Variants in CTNNA2 observed in about 807,000 individuals in gnomAD.
CTNNA2 encodes catenin alpha-2.
A neutral mutation model predicts 101.0 loss-of-function variants in CTNNA2; 42 were observed. The observed-to-expected ratio is 0.42, with a 90% confidence interval of 0.32 to 0.54. The LOEUF is 0.54. Ranked by LOEUF, CTNNA2 falls within the 20% of genes least tolerant of loss-of-function variation. The pLI, the probability that CTNNA2 is intolerant of heterozygous loss-of-function variation, is 0.14. For missense variants in CTNNA2, 871 were observed against 1,223.1 expected, an observed-to-expected ratio of 0.71 and a Z score of 4.29; for synonymous variants, 450 against 456.4, an observed-to-expected ratio of 0.99 and a Z score of 0.18.
chr2:80,462,674 T>A (rs1163761375), intron 9 of CTNNA2, among the ~76,000 whole-genome samples: 2 of 143,350 alleles, frequency 1.4e-5, no homozygotes, highest in East Asian at 4.3e-4. Flanking sequence ...AGCTGCTGGG[T>A]CATCACTTCT....
intron 7 of CTNNA2, among the ~76,000 whole-genome samples, chr2:80,093,273 C>T (rs190305101): frequency 1.1e-4 from 16 of 151,838 alleles, no homozygotes; most frequent in Admixed American, 2.0e-4. Flanking sequence ...TTTGTCCTTG[C>T]GATAGTTTGC....
chr2:79,951,488 A>G (rs1688878107), intron 7 of CTNNA2, among the ~76,000 whole-genome samples: 1 of 152,092 alleles, frequency 6.6e-6, no homozygotes, highest in Non-Finnish European at 1.5e-5. Flanking sequence ...CAGCATGGTG[A>G]AACCCCATCT....
chr2:80,321,446 G>A (rs939838209), intron 7 of CTNNA2, among the ~76,000 whole-genome samples: 7 of 152,196 alleles, frequency 4.6e-5, no homozygotes, highest in Non-Finnish European at 8.8e-5. Context: ...GATGCTGGGG[G>A]AAGTACGCAT....
intron 1 of CTNNA2, among the ~76,000 whole-genome samples, chr2:79,638,645 C>T (rs1680242542): frequency 6.6e-6 from 1 of 152,188 alleles, no homozygotes; most frequent in Non-Finnish European, 1.5e-5. Flanking sequence ...ATCAGCCAGT[C>T]TATGACACAG....
At chr2:80,587,970 A>G (rs1050923283) in intron 14 of CTNNA2, among the ~76,000 whole-genome samples, 9 of 152,212 alleles carry the variant, frequency 5.9e-5, no homozygotes, top group African/African-American at 1.9e-4. Context: ...GTTATGTTCT[A>G]TAAAGTCATC....
At chr2:80,491,673 A>G (rs931648857) in intron 9 of CTNNA2, among the ~76,000 whole-genome samples, 4 of 152,152 alleles carry the variant, frequency 2.6e-5, no homozygotes, top group South Asian at 4.1e-4. Flanking sequence ...AAGCCATTCA[A>G]TTTGCCTGGG....
intron 7 of CTNNA2, among the ~76,000 whole-genome samples, chr2:79,974,944 A>T (rs2104584150): frequency 6.6e-6 from 1 of 152,168 alleles, no homozygotes; most frequent in African/African-American, 2.4e-5. Flanking sequence ...ATACCTGGAG[A>T]ACAGAGCGTC....
chr2:80,173,078 G>T (rs1157774735), intron 7 of CTNNA2, among the ~76,000 whole-genome samples: 1 of 152,148 alleles, frequency 6.6e-6, no homozygotes, highest in Non-Finnish European at 1.5e-5. Flanking sequence ...TAGGTAATTT[G>T]TATGCACATT....
intron 9 of CTNNA2, among the ~76,000 whole-genome samples, chr2:80,486,224 T>C (rs1444672963): frequency 6.6e-6 from 1 of 152,162 alleles, no homozygotes; most frequent in African/African-American, 2.4e-5. Flanking sequence ...CTGCACTAGA[T>C]AGTGTGGGGA....
At chr2:80,532,411 G>A (rs926152754) in intron 9 of CTNNA2, among the ~76,000 whole-genome samples, 13 of 152,090 alleles carry the variant, frequency 8.5e-5, no homozygotes, top group Admixed American at 2.0e-4. Context: ...GTGCCCCTTC[G>A]TCACTTAGTA....
intron 2 of CTNNA2, among the ~76,000 whole-genome samples, chr2:79,257,668 A>G (rs1229227525): frequency 6.6e-6 from 1 of 152,116 alleles, no homozygotes; most frequent in Non-Finnish European, 1.5e-5. Flanking sequence ...ATTTAAGAAG[A>G]TTAAAAGAAC....
chr2:79,314,990 G>T (rs2060787), intron 3 of CTNNA2, among the ~76,000 whole-genome samples: 21,630 of 152,098 alleles, frequency 0.14, 1,620 homozygotes, highest in East Asian at 0.17. Context: ...TAGGGCTTTT[G>T]CTTCTAGCCT....
chr2:79,431,409 T>C (rs1678657961), intron 4 of CTNNA2, among the ~76,000 whole-genome samples: 1 of 152,182 alleles, frequency 6.6e-6, no homozygotes, highest in African/African-American at 2.4e-5. Context: ...GCAGATCAGC[T>C]GTGGCTCTGC....
intron 7 of CTNNA2, among the ~76,000 whole-genome samples, chr2:80,389,162 AT>A (rs1233968045): frequency 4.6e-5 from 7 of 152,056 alleles, no homozygotes; most frequent in East Asian, 1.9e-4. Context: ...CAATTCTTTC[AT>A]TTTTTTTCCA....
intron 3 of CTNNA2, among the ~76,000 whole-genome samples, chr2:79,364,829 A>G (rs1425764681): frequency 1.3e-5 from 2 of 152,324 alleles, no homozygotes; most frequent in Admixed American, 6.5e-5. Context: ...TAGGAAGAGG[A>G]GGAATATGCA....
rs1673241011 is a variant in CTNNA2 at position 80,351,050 on chromosome 2, T to C, written c.1057-42161T>C. Among the ~76,000 whole-genome samples, 3 of 152,322 alleles carry C rather than the reference T, an allele frequency of 2.0e-5. No homozygotes were observed. In the South Asian group the frequency reaches 6.2e-4, roughly 32 times the overall value. On this transcript the variant is annotated intron_variant, in intron 7 of 18. Coordinates refer to ENST00000402739, the MANE Select transcript of CTNNA2 (RefSeq NM_001282597.3). ...CATTATTCTTTCTCGTGATGAGCTC[T>C]AACAGTCACTTATATGCATTTTGTT...
At chr2:79,635,848 G>A (rs1458528162) in intron 1 of CTNNA2, among the ~76,000 whole-genome samples, 3 of 151,890 alleles carry the variant, frequency 2.0e-5, no homozygotes, top group Admixed American at 2.0e-4. Flanking sequence ...ATAGGAGTTG[G>A]ACCAATGTTG....
chr2:79,283,747 T>A (rs1184562394), intron 2 of CTNNA2, among the ~76,000 whole-genome samples: 1 of 79,672 alleles, frequency 1.3e-5, no homozygotes, highest in Non-Finnish European at 2.6e-5. Context: ...TGCGGGCTCT[T>A]TTTTGGTTCC....
chr2:80,151,470 G>A (rs1052016114), intron 7 of CTNNA2, among the ~76,000 whole-genome samples: 2 of 152,132 alleles, frequency 1.3e-5, no homozygotes, highest in Non-Finnish European at 1.5e-5. Flanking sequence ...TATACAGTAA[G>A]AGCCACAAAA....
Sources: allele counts gnomAD v4.1 joint callset (sites outside exome capture counted in the v4.1 genomes callset), GRCh38; gene constraint gnomAD v4.1.1; transcripts MANE v1.5; gene names NCBI Gene and HGNC (gene_info 2026-07-23, HGNC 2026-07-21).